Variants in GPRIN3 observed in about 807,000 individuals in gnomAD.
GPRIN3 encodes the protein G protein-regulated inducer of neurite outgrowth 3.
In GPRIN3, 12 loss-of-function variants were observed where a neutral mutation model predicts 13.7. The ratio of observed to expected loss-of-function variants is 0.87; its 90% CI spans 0.56 to 1.42. The LOEUF (loss-of-function observed/expected upper bound fraction) is 1.42, where lower values mean the gene tolerates loss of function less well. Ranked by LOEUF, GPRIN3 falls within the 40% of genes most tolerant of loss-of-function variation. The probability of loss-of-function intolerance (pLI) is 0.00; values close to 1 mark genes in which losing one functional copy is unlikely to be tolerated. For missense variants in GPRIN3, 1,009 were observed against 958.7 expected (o/e 1.05, Z -0.69); for synonymous variants, 377 against 372.7 (o/e 1.01, Z -0.13).
intron 1 of GPRIN3, among the ~76,000 whole-genome samples, chr4:89,301,411 T>C (rs1578119122): frequency 6.6e-6 from 1 of 152,200 alleles, no homozygotes; most frequent in South Asian, 2.1e-4. Context: ...AGTTCAAATC[T>C]TGATAATATT....
chr4:89,303,629 G>A (rs1221534743), intron 1 of GPRIN3, among the ~76,000 whole-genome samples: 1 of 151,732 alleles, frequency 6.6e-6, no homozygotes, highest in Non-Finnish European at 1.5e-5. Flanking sequence ...AGATGATCAG[G>A]GGAGGAAAAG....
At chr4:89,282,846 A>T (rs1724290960) in intron 1 of GPRIN3, among the ~76,000 whole-genome samples, 1 of 152,154 alleles carries the variant, frequency 6.6e-6, no homozygotes, top group South Asian at 2.1e-4. Flanking sequence ...ACAGTCTCAG[A>T]GTCTACATCG....
At chr4:89,279,981 T>C (rs1724200751) in intron 1 of GPRIN3, among the ~76,000 whole-genome samples, 1 of 152,202 alleles carries the variant, frequency 6.6e-6, no homozygotes. Context: ...ATATCGTAAA[T>C]TAAATATGTC....
rs1161395823 is a variant in GPRIN3 at position 89,250,020 on chromosome 4, C to T, written c.91G>A (p.Ala31Thr). 1.7e-5 allele frequency: 28 copies of T among 1,614,094 alleles called. No homozygotes were observed. Among genetic ancestry groups the T allele is most frequent in the Non-Finnish European group, 2.2e-5 (26 of 1,180,028 alleles). Residue 31 changes from alanine to threonine, a missense_variant, in exon 2 of 2, where the codon GCC becomes ACC. By Grantham distance (58) the Ala-to-Thr change is moderately conservative. Transcript: ENST00000609438. ...KEDDLGEPQA[A>T]SPRHRPALLC... is the part of the protein sequence containing the mutation. ...AGAGCTGGTCGATGCCGAGGTGAGGCAGCCTGTGGCTCTCCTAGATCGTCT... is the reference window on the plus strand; with the variant it reads ...AGAGCTGGTCGATGCCGAGGTGAGGTAGCCTGTGGCTCTCCTAGATCGTCT...
chr4:89,278,125 A>C (rs1210728626), intron 1 of GPRIN3, among the ~76,000 whole-genome samples: 2 of 152,174 alleles, frequency 1.3e-5, no homozygotes, highest in African/African-American at 4.8e-5. Flanking sequence ...CAGTGAGAAA[A>C]ATGAACCTCT....
intron 1 of GPRIN3, among the ~76,000 whole-genome samples, chr4:89,289,736 G>T (rs896375998): frequency 6.6e-6 from 1 of 152,088 alleles, no homozygotes; most frequent in Non-Finnish European, 1.5e-5. Context: ...AGGCACAGCT[G>T]CCTCAGACAC....
Position 89,250,244 on chromosome 4 carries a change from AG to A in GPRIN3, c.-123-12del. The A allele has an allele frequency of 6.7e-7, 1 of 1,489,588 alleles. No homozygotes were observed. The highest frequency in any genetic ancestry group is 1.4e-5 in the South Asian group (1 of 69,828). 92.3% of individuals were successfully genotyped at this position (1,489,588 alleles called of 1,614,324 possible). On this transcript the variant is annotated splice_polypyrimidine_tract_variant and intron_variant, in intron 1 of 1. Transcript: ENST00000609438. ...CTCTGAAGAACCAGCCTGTGAATCA[AG>A]GAAACAGCATCATTAATACAGTACG... is the stretch of plus-strand genomic sequence containing the variant.
chr4:89,290,779 A>C (rs1317351796), intron 1 of GPRIN3, among the ~76,000 whole-genome samples: 1 of 152,186 alleles, frequency 6.6e-6, no homozygotes, highest in Non-Finnish European at 1.5e-5. Flanking sequence ...ATAAGACCTC[A>C]ATAAACAATA....
chr4:89,301,476 C>T (rs996605503), intron 1 of GPRIN3, among the ~76,000 whole-genome samples: 1 of 152,154 alleles, frequency 6.6e-6, no homozygotes, highest in Non-Finnish European at 1.5e-5. Context: ...ACAAAAAATG[C>T]TCTGATTACT....
rs1271062286 is a variant in GPRIN3, at chr4:89,238,846, A to G, written c.*8934T>C. ...GGAAACAATAATAACATCAACAAAA[A>G]ACAGAATAAATTGTATCTATATTAC... On this transcript the variant is annotated 3_prime_UTR_variant, in exon 2 of 2. Coordinates refer to ENST00000609438, the MANE Select transcript of GPRIN3 (RefSeq NM_198281.3). The G allele has an allele frequency of 6.6e-6, 1 of 152,234 alleles. No homozygotes were observed. The highest frequency in any genetic ancestry group is 2.4e-5 in the African/African-American group (1 of 41,462). The allele number at this position is 152,234 out of a possible 1,614,324, so 9.4% of individuals were successfully genotyped here.
At chr4:89,297,755 A>G (rs1238175360) in intron 1 of GPRIN3, among the ~76,000 whole-genome samples, 1 of 152,202 alleles carries the variant, frequency 6.6e-6, no homozygotes, top group Non-Finnish European at 1.5e-5. Flanking sequence ...CAGAGCAGCT[A>G]CATAAATAGC....
rs1308936578 is a variant in GPRIN3 at position 89,292,436 on chromosome 4, A to G, written c.-124+15179T>C. On this transcript the variant is annotated intron_variant, in intron 1 of 1. Transcript: ENST00000609438. ...GTACTTAAGTAAGAAATTAAGAATT[A>G]TTAATTAATTAACTTCACAAATTAG... Among the ~76,000 whole-genome samples the G allele has an allele frequency of 2.0e-5, 3 of 152,230 alleles. No individual in the cohort carries two copies. The East Asian group carries it at 5.8e-4, about 29-fold the overall frequency.
intron 1 of GPRIN3, among the ~76,000 whole-genome samples, chr4:89,275,136 CTGTGTGTG>C (rs56091424): frequency 2.7e-5 from 4 of 149,148 alleles, no homozygotes; most frequent in African/African-American, 9.9e-5. Flanking sequence ...CTAAGTAACT[CTGTGTGTG>C]TGTGTGTGTG....
At chr4:89,265,207 T>C (rs1397963580) in intron 1 of GPRIN3, among the ~76,000 whole-genome samples, 1 of 152,196 alleles carries the variant, frequency 6.6e-6, no homozygotes, top group Admixed American at 6.5e-5. Flanking sequence ...ATTATTATTA[T>C]ACTATTCTCA....
intron 1 of GPRIN3, among the ~76,000 whole-genome samples, chr4:89,304,625 T>G (rs1724986697): frequency 6.6e-6 from 1 of 152,222 alleles, no homozygotes; most frequent in Non-Finnish European, 1.5e-5. Flanking sequence ...TTTTTAAAAA[T>G]GTATGTGGCC....
In GPRIN3 at chr4:89,248,782, C is replaced by A. The variant is rs2149254020; in HGVS notation, c.1329G>T (p.Met443Ile). Residue 443 changes from methionine to isoleucine, a missense_variant, in exon 2 of 2, where the codon ATG becomes ATT. Transcript: ENST00000609438. ...TCKEDGRLAG[M>I]TPVREESTAK... is the part of the protein sequence containing the mutation. ...CAGTTGACTCTTCCCTCACTGGAGT[C>A]ATTCCTGCTAACCTCCCATCTTCTT... is the stretch of plus-strand genomic sequence containing the variant. 6.2e-7 allele frequency: 1 copy of A among 1,614,194 alleles called. No homozygotes were observed. The highest frequency in any genetic ancestry group is 8.5e-7 in the Non-Finnish European group (1 of 1,180,026).
chr4:89,299,367 C>T (rs916910057), intron 1 of GPRIN3, among the ~76,000 whole-genome samples: 7 of 152,100 alleles, frequency 4.6e-5, no homozygotes, highest in East Asian at 3.9e-4. Flanking sequence ...GTAGGAGGCA[C>T]GAAGTGGGGG....
At chr4:89,279,794 T>C (rs1198569612) in intron 1 of GPRIN3, among the ~76,000 whole-genome samples, 1 of 152,194 alleles carries the variant, frequency 6.6e-6, no homozygotes, top group African/African-American at 2.4e-5. Context: ...TTCAGTTCTT[T>C]TTTCTCAGTT....
chr4:89,270,342 A>G (rs989980866), intron 1 of GPRIN3, among the ~76,000 whole-genome samples: 6 of 151,504 alleles, frequency 4.0e-5, no homozygotes, highest in Admixed American at 3.3e-4. Flanking sequence ...ACAAACAAAC[A>G]AAAAAACAAC....
Sources: gnomAD v4.1 joint callset for allele counts (sites outside exome capture counted in the v4.1 genomes callset) on GRCh38, gnomAD v4.1.1 for gene constraint, MANE v1.5 for transcripts, NCBI Gene and HGNC (gene_info 2026-07-23, HGNC 2026-07-21) for gene names.